The following SPIRE1 variants were observed in gnomAD, a reference collection of about 807,000 sequenced individuals.
SPIRE1 encodes spire type actin nucleation factor 1.
SPIRE1 carries 40 observed loss-of-function variants against 94.1 expected under a neutral mutation model. That is an observed-to-expected ratio of 0.43 (90% CI 0.33 to 0.55). The LOEUF (loss-of-function observed/expected upper bound fraction) is 0.55, where lower values mean the gene tolerates loss of function less well. Ranked by LOEUF, SPIRE1 falls within the 20% of genes least tolerant of loss-of-function variation. The probability of loss-of-function intolerance (pLI) is 0.06; values close to 1 mark genes in which losing one functional copy is unlikely to be tolerated. For synonymous variants in SPIRE1, 376 were observed against 371.7 expected, an observed-to-expected ratio of 1.01 and a Z score of -0.13; for missense variants, 838 against 975.2, an observed-to-expected ratio of 0.86 and a Z score of 1.87.
chr18:12,594,084 C>T (rs1454252667), intron 2 of SPIRE1, among the ~76,000 whole-genome samples: 2 of 152,040 alleles, frequency 1.3e-5, no homozygotes, highest in African/African-American at 2.4e-5. Context: ...GGGAAACGAT[C>T]CAAGAAGAAA....
intron 10 of SPIRE1, among the ~76,000 whole-genome samples, chr18:12,475,020 A>C (rs1055065493): frequency 1.3e-5 from 2 of 152,186 alleles, no homozygotes; most frequent in Non-Finnish European, 2.9e-5. Flanking sequence ...GTGCAACGTC[A>C]GCCAGGAATT....
intron 2 of SPIRE1, among the ~76,000 whole-genome samples, chr18:12,580,814 G>A (rs1020585595): frequency 1.2e-4 from 19 of 152,046 alleles, no homozygotes; most frequent in African/African-American, 4.1e-4. Context: ...CTTGGGAGGC[G>A]GGCGGATTGC....
intron 10 of SPIRE1, among the ~76,000 whole-genome samples, chr18:12,472,098 T>C (rs1598904454): frequency 6.6e-6 from 1 of 152,206 alleles, no homozygotes; most frequent in East Asian, 1.9e-4. Flanking sequence ...TTTCTTATAT[T>C]TTATACAAGG....
chr18:12,645,376 T>C (rs992835217), intron 1 of SPIRE1, among the ~76,000 whole-genome samples: 1 of 152,260 alleles, frequency 6.6e-6, no homozygotes, highest in South Asian at 2.1e-4. Context: ...TAAACCATCA[T>C]CTATCTTCCC....
chr18:12,450,951 AG>A, intron 16 of SPIRE1: 1 of 628,048 alleles, frequency 1.6e-6, no homozygotes, highest in African/African-American at 1.9e-5. Flanking sequence ...GATGGAGAAA[AG>A]GGTCCTGCTA....
chr18:12,535,676 G>T, intron 3 of SPIRE1, 75 bp from the exon 4 acceptor site: 1 of 1,397,664 alleles, frequency 7.2e-7, no homozygotes. Context: ...ACAGACACGA[G>T]CAGAGTGCAG....
chr18:12,520,321 A>T (rs2144091408), intron 4 of SPIRE1, among the ~76,000 whole-genome samples: 1 of 152,312 alleles, frequency 6.6e-6, no homozygotes, highest in African/African-American at 2.4e-5. Flanking sequence ...ATTTAATGTA[A>T]TATTTTTACA....
Position 12,448,503 on chromosome 18 carries a change from C to T in SPIRE1, c.*1135G>A, listed in dbSNP as rs1237351323. 6.6e-6 allele frequency: 1 copy of T among 152,184 alleles called. No homozygotes were observed. The highest frequency in any genetic ancestry group is 1.5e-5 in the Non-Finnish European group (1 of 68,030). 9.4% of individuals were successfully genotyped at this position (152,184 alleles called of 1,614,324 possible). On this transcript the variant is annotated 3_prime_UTR_variant, in exon 17 of 17. Coordinates refer to ENST00000409402, the MANE Select transcript of SPIRE1 (RefSeq NM_001128626.2). This position sits in a 1 kb window ranked among gnomAD's most constrained non-coding sequence, Gnocchi z 4.4. ...ACAATGCTACCCTCCAGTCTACTTT[C>T]GTCAGAAACCAAACCTACTCACTCA...
chr18:12,637,094 T>TCA (rs2037950523), intron 1 of SPIRE1, among the ~76,000 whole-genome samples: 1 of 152,184 alleles, frequency 6.6e-6, no homozygotes, highest in African/African-American at 2.4e-5. Context: ...GTGCAGTGGC[T>TCA]CACGCCTGTA....
At chr18:12,576,929 C>A (rs1476711981) in intron 2 of SPIRE1, among the ~76,000 whole-genome samples, 7 of 147,216 alleles carry the variant, frequency 4.8e-5, no homozygotes, top group African/African-American at 1.7e-4. Context: ...TAACAGTCAT[C>A]AACACTGTTT....
At chr18:12,539,335 G>C (rs1228215151) in intron 3 of SPIRE1, among the ~76,000 whole-genome samples, 1 of 152,060 alleles carries the variant, frequency 6.6e-6, no homozygotes, top group Non-Finnish European at 1.5e-5. Flanking sequence ...CCCTGCACAA[G>C]CTCTTTTTTG....
intron 2 of SPIRE1, among the ~76,000 whole-genome samples, chr18:12,610,711 G>A (rs763901432): frequency 6.6e-6 from 1 of 151,908 alleles, no homozygotes; most frequent in Non-Finnish European, 1.5e-5. Flanking sequence ...CCAAAACCAC[G>A]CATTTCCTTG....
intron 2 of SPIRE1, among the ~76,000 whole-genome samples, chr18:12,619,401 G>A (rs1479488874): frequency 6.6e-6 from 1 of 151,898 alleles, no homozygotes; most frequent in Non-Finnish European, 1.5e-5. Flanking sequence ...CCAGCTACTC[G>A]GGAGGCTGAG....
intron 2 of SPIRE1, among the ~76,000 whole-genome samples, chr18:12,592,119 C>A (rs1311659490): frequency 1.3e-5 from 2 of 151,708 alleles, no homozygotes; most frequent in Non-Finnish European, 1.5e-5. Context: ...GAGAAGATAC[C>A]GAGCTGTAAG....
At chr18:12,616,313 A>C (rs1324251651) in intron 2 of SPIRE1, among the ~76,000 whole-genome samples, 2 of 152,228 alleles carry the variant, frequency 1.3e-5, no homozygotes, top group Non-Finnish European at 2.9e-5. Flanking sequence ...AGGAAAAAGA[A>C]GGCCATAAGC....
At chr18:12,617,675 G>A (rs922368695) in intron 2 of SPIRE1, among the ~76,000 whole-genome samples, 1 of 152,120 alleles carries the variant, frequency 6.6e-6, no homozygotes, top group Non-Finnish European at 1.5e-5. Context: ...CTCCCAAAGT[G>A]CTAGGATTAC....
At chr18:12,585,620 G>A (rs1374852545) in intron 2 of SPIRE1, among the ~76,000 whole-genome samples, 1 of 152,114 alleles carries the variant, frequency 6.6e-6, no homozygotes. Context: ...ACAGTGTCTA[G>A]CAAACTGTTA....
chr18:12,507,833 A>G (rs1475983434), intron 5 of SPIRE1, among the ~76,000 whole-genome samples: 1 of 152,130 alleles, frequency 6.6e-6, no homozygotes, highest in Non-Finnish European at 1.5e-5. Context: ...TTAGCTAAAA[A>G]CCTGTAACTT....
At chr18:12,652,965 A>C (rs555289185) in intron 1 of SPIRE1, 1 of 152,324 alleles carries the variant, frequency 6.6e-6, no homozygotes, top group South Asian at 2.1e-4. Flanking sequence ...CAGCTCAACA[A>C]CAGAGTGACA....
Sources: allele counts gnomAD v4.1 joint callset (sites outside exome capture counted in the v4.1 genomes callset), GRCh38; gene constraint gnomAD v4.1.1; non-coding constraint Gnocchi (gnomAD v3.1); transcripts MANE v1.5; gene names NCBI Gene and HGNC (gene_info 2026-07-23, HGNC 2026-07-21).